The following SNRPN variants were observed in gnomAD, a reference collection of about 807,000 sequenced individuals.
The protein encoded by SNRPN is small nuclear ribonucleoprotein polypeptide N, also known as small nuclear ribonucleoprotein-associated protein N.
SNRPN carries 7 observed loss-of-function variants against 25.2 expected under a neutral mutation model. That is an observed-to-expected ratio of 0.28 (90% CI 0.16 to 0.52). The LOEUF (loss-of-function observed/expected upper bound fraction) is 0.52. Ranked by LOEUF, SNRPN falls within the 20% of genes least tolerant of loss-of-function variation. The pLI is 0.96. For synonymous variants in SNRPN, 124 were observed against 110.6 expected (o/e 1.12, Z -0.76); for missense variants, 196 against 322.5 (o/e 0.61, Z 3.00).
At chr15:24,958,438 A>G (rs2074178486) in intron 1 of SNRPN, among the ~76,000 whole-genome samples, 1 of 113,092 alleles carries the variant, frequency 8.8e-6, no homozygotes, top group Non-Finnish European at 1.8e-5. Flanking sequence ...GAGAATTGTT[A>G]CTACTTAAGG....
chr15:24,857,210 T>C lies in SNRPN; in HGVS notation c.-579+494T>C, dbSNP rs1238076996. On this transcript the variant is annotated intron_variant, in intron 1 of 11. Coordinates refer to the SNRPN transcript ENST00000400097. The stretch of plus-strand genomic sequence containing the variant: ...AACATTGCGACTCCCATTCTAAATG[T>C]AGAGACAGTCACTGCACTGCGCAAA... Among the ~76,000 whole-genome samples, 9 of 112,538 alleles carry C rather than the reference T, an allele frequency of 8.0e-5. No homozygotes were observed. In the East Asian group the frequency reaches 1.6e-3, roughly 21 times the overall value. 73.8% of individuals were successfully genotyped at this position (112,538 alleles called of 152,430 possible).
At chr15:24,977,949 A>T in intron 8 of SNRPN, 33 bp downstream of exon 8, 1 of 1,523,126 alleles carries the variant, frequency 6.6e-7, no homozygotes, top group Non-Finnish European at 8.8e-7. Flanking sequence ...GACGAACTTG[A>T]ATCTCTGATG....
intron 3 of SNRPN, among the ~76,000 whole-genome samples, chr15:24,933,927 C>G (rs868847396): frequency 1.9e-4 from 29 of 152,168 alleles, no homozygotes; most frequent in African/African-American, 6.8e-4. Flanking sequence ...CAGGGGTCAG[C>G]CAAGTGCAAC....
At chr15:24,927,885 T>C (rs1157359710) in intron 3 of SNRPN, among the ~76,000 whole-genome samples, 1 of 152,190 alleles carries the variant, frequency 6.6e-6, no homozygotes, top group East Asian at 1.9e-4. Flanking sequence ...CCATCTGAAG[T>C]GTTCTTAAGA....
chr15:24,883,014 A>C (rs1595681267), intron 1 of SNRPN, among the ~76,000 whole-genome samples: 1 of 152,076 alleles, frequency 6.6e-6, no homozygotes, highest in East Asian at 1.9e-4. Flanking sequence ...CATGTAATTC[A>C]TAAAATACTG....
intron 3 of SNRPN, among the ~76,000 whole-genome samples, chr15:24,946,044 C>G (rs1011297005): frequency 1.3e-5 from 2 of 152,240 alleles, no homozygotes; most frequent in South Asian, 4.1e-4. Context: ...TCTGCCTTGG[C>G]TTTAGGTTTA....
chr15:24,934,151 A>C (rs959068927), intron 3 of SNRPN, among the ~76,000 whole-genome samples: 1 of 152,090 alleles, frequency 6.6e-6, no homozygotes, highest in Non-Finnish European at 1.5e-5. Flanking sequence ...TACAAAAATT[A>C]GCTGGGTGTG....
chr15:24,894,311 C>G (rs1364325397), intron 2 of SNRPN, among the ~76,000 whole-genome samples: 1 of 152,058 alleles, frequency 6.6e-6, no homozygotes, highest in African/African-American at 2.4e-5. Context: ...CTCTGCCTCC[C>G]AGGTTCACGC....
intron 3 of SNRPN, among the ~76,000 whole-genome samples, chr15:24,971,166 A>G (rs1462787261): frequency 3.9e-5 from 6 of 152,190 alleles, no homozygotes; most frequent in Non-Finnish European, 8.8e-5. Context: ...ACAGTTTCCT[A>G]AAGTTTGAAA....
intron 3 of SNRPN, among the ~76,000 whole-genome samples, chr15:24,933,877 G>C (rs1422064647): frequency 1.3e-5 from 2 of 152,226 alleles, no homozygotes; most frequent in African/African-American, 2.4e-5. Context: ...AGATCATGGA[G>C]ACAAATTTAG....
At chr15:24,918,510 TAATA>T (rs1339363284) in intron 2 of SNRPN, among the ~76,000 whole-genome samples, 1 of 125,024 alleles carries the variant, frequency 8.0e-6, no homozygotes. Flanking sequence ...ATATATAACA[TAATA>T]TATATATGTG....
intron 1 of SNRPN, among the ~76,000 whole-genome samples, chr15:24,882,905 C>G (rs1007674571): frequency 1.3e-5 from 2 of 151,628 alleles, no homozygotes; most frequent in African/African-American, 2.4e-5. Flanking sequence ...ATTGGCCCAG[C>G]CTTGAGCACT....
rs562370470 is a variant in SNRPN at position 24,879,148 on chromosome 15, A to C, written c.-578-7368A>C. Among the ~76,000 whole-genome samples, 34 of 152,272 alleles carry C rather than the reference A, an allele frequency of 2.2e-4. 1 individual carries two copies. In the South Asian group the frequency reaches 6.6e-3, roughly 30 times the overall value. Reference sequence around the variant, plus strand: ...GCCACGTATTCTTTTGAAATTATGCATTTAGGCCGGGTGCGGTGGCTCACG... The same window carrying C: ...GCCACGTATTCTTTTGAAATTATGCCTTTAGGCCGGGTGCGGTGGCTCACG... On this transcript the variant is annotated intron_variant, in intron 1 of 11. Coordinates refer to the SNRPN transcript ENST00000400097.
chr15:24,931,554 G>T (rs1296864233), intron 3 of SNRPN, among the ~76,000 whole-genome samples: 1 of 151,718 alleles, frequency 6.6e-6, no homozygotes, highest in Admixed American at 6.6e-5. Context: ...CAAGACCTAG[G>T]CTGGGCGGGG....
intron 3 of SNRPN, among the ~76,000 whole-genome samples, chr15:24,969,408 C>T (rs1361358198): frequency 3.3e-5 from 5 of 152,148 alleles, no homozygotes; most frequent in South Asian, 2.1e-4. Context: ...GGATTACAGG[C>T]GTGACCTACC....
rs185880338 is a variant in SNRPN at position 24,905,357 on chromosome 15, A to C, written c.-504-14654A>C. Among the ~76,000 whole-genome samples the C allele has an allele frequency of 2.1e-3, 314 of 151,344 alleles. 2 individuals carry two copies. Among genetic ancestry groups the C allele is most frequent in the African/African-American group, 7.4e-3 (305 of 41,260 alleles). The stretch of plus-strand genomic sequence containing the variant: ...AACCCTGTCTCTACTAAATATACAA[A>C]AATTAACTGGGCATGGTGGCGTGCG... On this transcript the variant is annotated intron_variant, in intron 2 of 11. Coordinates refer to the SNRPN transcript ENST00000400097.
intron 1 of SNRPN, among the ~76,000 whole-genome samples, chr15:24,878,864 T>A (rs1471496930): frequency 6.6e-6 from 1 of 152,132 alleles, no homozygotes; most frequent in Admixed American, 6.5e-5. Context: ...ATTCTTTATA[T>A]ATTCTTTATT....
intron 2 of SNRPN, among the ~76,000 whole-genome samples, chr15:24,887,740 G>C (rs142245709): frequency 2.0e-5 from 3 of 152,290 alleles, no homozygotes; most frequent in South Asian, 2.1e-4. Flanking sequence ...GAGGCCTCTT[G>C]TTCCTTGAAA....
intron 2 of SNRPN, among the ~76,000 whole-genome samples, chr15:24,892,046 G>A (rs2057722270): frequency 6.8e-6 from 1 of 146,126 alleles, no homozygotes; most frequent in African/African-American, 2.6e-5. Flanking sequence ...TCATGGAGAA[G>A]GTTTTTAAGA....
Sources: allele counts gnomAD v4.1 joint callset (sites outside exome capture counted in the v4.1 genomes callset), GRCh38; gene constraint gnomAD v4.1.1; transcripts MANE v1.5; gene names NCBI Gene and HGNC (gene_info 2026-07-23, HGNC 2026-07-21).